SMAP1: variants seen among roughly 807,000 people sequenced by gnomAD.
SMAP1 encodes the protein small ArfGAP 1.
Under a neutral mutation model 58.5 loss-of-function variants are expected in SMAP1, and 24 were observed. The observed-to-expected ratio is 0.41, with a 90% CI of 0.30 to 0.58. The LOEUF is 0.58. Ranked by LOEUF, SMAP1 falls within the 20% of genes least tolerant of loss-of-function variation. The probability of loss-of-function intolerance (pLI) is 0.29; values close to 1 mark genes in which losing one functional copy is unlikely to be tolerated. For synonymous variants in SMAP1, 216 were observed against 196.6 expected, an observed-to-expected ratio of 1.10 and a Z score of -0.82; for missense variants, 563 against 566.3, an observed-to-expected ratio of 0.99 and a Z score of 0.06.
intron 4 of SMAP1, among the ~76,000 whole-genome samples, chr6:70,786,791 A>G (rs1211415659): frequency 6.6e-6 from 1 of 152,204 alleles, no homozygotes; most frequent in Non-Finnish European, 1.5e-5. Context: ...ACCACTGCTC[A>G]ACAAAATAAA....
chr6:70,738,172 C>G (rs1428327316), intron 2 of SMAP1, among the ~76,000 whole-genome samples: 3 of 152,140 alleles, frequency 2.0e-5, no homozygotes, highest in Non-Finnish European at 4.4e-5. Context: ...TTCTTCCATT[C>G]TTGAGAATGT....
In SMAP1 at chr6:70,846,262, C is replaced by T. The variant is rs954297298; in HGVS notation, c.665-6278C>T. Among the ~76,000 whole-genome samples the T allele has an allele frequency of 4.6e-5, 7 of 152,324 alleles. No individual in the cohort carries two copies. In the South Asian group the frequency reaches 6.2e-4, roughly 14 times the overall value. On this transcript the variant is annotated intron_variant, in intron 7 of 10. Transcript: ENST00000370455. ...TTGTTTTCCGCCATGGCTCTGCTGT[C>T]ACCAAGAAATCCTCCCATAACCTGT...
intron 1 of SMAP1, among the ~76,000 whole-genome samples, chr6:70,731,014 G>T (rs940167405): frequency 6.6e-6 from 1 of 152,166 alleles, no homozygotes; most frequent in South Asian, 2.1e-4. Flanking sequence ...TGGCCAGGCT[G>T]TTCTCAAACT....
In SMAP1 at chr6:70,790,525, A is replaced by G. The variant is rs16869501; in HGVS notation, c.415-1164A>G. 3.0e-3 allele frequency among the ~76,000 whole-genome samples: 461 copies of G among 152,220 alleles called. 8 individuals carry two copies. Among genetic ancestry groups the G allele is most frequent in the Admixed American group, 4.1e-3 (63 of 15,284 alleles). On this transcript the variant is annotated intron_variant, in intron 4 of 10. Coordinates refer to ENST00000370455, the MANE Select transcript of SMAP1 (RefSeq NM_001044305.3). ...CGACTTTGCCTTTTTTTTATGGAAG[A>G]TCTACATTTTATTGTGTTGTTTATT...
intron 6 of SMAP1, among the ~76,000 whole-genome samples, chr6:70,806,321 G>A (rs1258601308): frequency 1.3e-5 from 2 of 152,232 alleles, no homozygotes; most frequent in East Asian, 3.8e-4. Flanking sequence ...AGCCAGGCAC[G>A]GGAGAGAATC....
At position 70,858,106 on chromosome 6, in the gene SMAP1, T is replaced by A. The variant is rs767098838; in HGVS notation, c.1146T>A (p.Thr382=). Residue 382 remains threonine (T), a synonymous_variant, in exon 10 of 11, where the codon ACT becomes ACA. Coordinates refer to ENST00000370455, the MANE Select transcript of SMAP1 (RefSeq NM_001044305.3). ...ATGGGTTTATGGGAAATGCACAAAC[T>A]GGTGTGATGCCACTTCCTCAGAACG... The part of the protein sequence containing the change: ...MPNGFMGNAQ[T]GVMPLPQNVV... The A allele has an allele frequency of 6.2e-7, 1 of 1,613,922 alleles. No individual in the cohort carries two copies. The highest frequency in any genetic ancestry group is 8.5e-7 in the Non-Finnish European group (1 of 1,179,982).
At chr6:70,803,367 C>A (rs754584267) in intron 6 of SMAP1, among the ~76,000 whole-genome samples, 1 of 151,900 alleles carries the variant, frequency 6.6e-6, no homozygotes, top group Admixed American at 6.6e-5. Context: ...TTTTTTATTG[C>A]GTCTATTTGA....
chr6:70,749,803 A>G (rs945883378), intron 2 of SMAP1, among the ~76,000 whole-genome samples: 13 of 152,214 alleles, frequency 8.5e-5, no homozygotes, highest in African/African-American at 2.7e-4. Context: ...AGGGAGATGT[A>G]TAAAGAAGGA....
chr6:70,810,049 A>C (rs538729892), intron 6 of SMAP1, among the ~76,000 whole-genome samples: 1 of 152,344 alleles, frequency 6.6e-6, no homozygotes, highest in South Asian at 2.1e-4. Flanking sequence ...GAAGCAGGAA[A>C]GATTACAGTG....
At chr6:70,763,212 C>T (rs1766828796) in intron 3 of SMAP1, among the ~76,000 whole-genome samples, 1 of 139,630 alleles carries the variant, frequency 7.2e-6, no homozygotes. Flanking sequence ...TACTTTGGGT[C>T]TCCATGTCAC....
At chr6:70,697,553 G>T (rs1013489377) in intron 1 of SMAP1, among the ~76,000 whole-genome samples, 1 of 152,106 alleles carries the variant, frequency 6.6e-6, no homozygotes, top group African/African-American at 2.4e-5. Context: ...TGATTTGCCT[G>T]CCTCGGCCTC....
At chr6:70,718,810 A>T (rs1029888307) in intron 1 of SMAP1, among the ~76,000 whole-genome samples, 91 of 125,012 alleles carry the variant, frequency 7.3e-4, no homozygotes, top group African/African-American at 2.5e-3. Flanking sequence ...ACAGTGTAAG[A>T]CTCCATCTCA....
intron 2 of SMAP1, among the ~76,000 whole-genome samples, chr6:70,742,143 ACTC>A (rs1189468721): frequency 6.6e-6 from 1 of 152,134 alleles, no homozygotes; most frequent in East Asian, 1.9e-4. Flanking sequence ...TTAACATTTG[ACTC>A]CTCATTACTT....
chr6:70,757,504 C>A (rs1293515372), intron 3 of SMAP1, among the ~76,000 whole-genome samples: 6 of 151,806 alleles, frequency 4.0e-5, no homozygotes, highest in Non-Finnish European at 5.9e-5. Context: ...GCAACAAAAG[C>A]CAAAATTGAC....
intron 1 of SMAP1, among the ~76,000 whole-genome samples, chr6:70,693,298 C>CT (rs55693339): frequency 0.018 from 1,991 of 109,528 alleles, 42 homozygotes; most frequent in Non-Finnish European, 0.025. Flanking sequence ...ATGTCATCTT[C>CT]TTTTTTTTTT....
chr6:70,795,986 C>T (rs912605730), intron 5 of SMAP1, among the ~76,000 whole-genome samples: 1 of 152,188 alleles, frequency 6.6e-6, no homozygotes, highest in Non-Finnish European at 1.5e-5. Flanking sequence ...GCCTCGGCCT[C>T]CCGAAGTGCT....
intron 1 of SMAP1, among the ~76,000 whole-genome samples, chr6:70,730,981 G>A (rs1339226752): frequency 6.6e-6 from 1 of 152,054 alleles, no homozygotes; most frequent in Non-Finnish European, 1.5e-5. Flanking sequence ...TGTATTTTTA[G>A]TAGAGACCGG....
chr6:70,795,693 G>T lies in SMAP1; in HGVS notation c.496-2964G>T, dbSNP rs563945573. Among the ~76,000 whole-genome samples the T allele has an allele frequency of 8.5e-5, 13 of 152,048 alleles. 1 individual carries two copies. The East Asian group carries it at 2.5e-3, about 29-fold the overall frequency. ...ATTCAAACCATAGCAATAACTAATA[G>T]CTCTGAGAGGTTAGGGAGCAACTCA... On this transcript the variant is annotated intron_variant, in intron 5 of 10. Coordinates refer to ENST00000370455, the MANE Select transcript of SMAP1 (RefSeq NM_001044305.3).
In SMAP1 at chr6:70,804,270, C is replaced by T. The variant is rs181180319; in HGVS notation, c.576+5533C>T. Among the ~76,000 whole-genome samples the T allele has an allele frequency of 9.0e-4, 134 of 148,682 alleles. 1 individual carries two copies. The East Asian group carries it at 0.021, about 23-fold the overall frequency. On this transcript the variant is annotated intron_variant, in intron 6 of 10. Coordinates refer to ENST00000370455, the MANE Select transcript of SMAP1 (RefSeq NM_001044305.3). ...TTCTTTGTCTCTTTTGATCTTTGTTCGTTTGAAGTCTGTTTTATCAGAGAC... is the reference window on the plus strand; with the variant it reads ...TTCTTTGTCTCTTTTGATCTTTGTTTGTTTGAAGTCTGTTTTATCAGAGAC...
Sources: allele counts gnomAD v4.1 joint callset (sites outside exome capture counted in the v4.1 genomes callset), GRCh38; gene constraint gnomAD v4.1.1; transcripts MANE v1.5; gene names NCBI Gene and HGNC (gene_info 2026-07-23, HGNC 2026-07-21).